SH3TC2: variants seen among roughly 807,000 people sequenced by gnomAD.
SH3TC2 encodes SH3 domain and tetratricopeptide repeats 2.
Under a neutral mutation model 124.5 loss-of-function variants are expected in SH3TC2, and 87 were observed. The ratio of observed to expected loss-of-function variants is 0.70; its 90% confidence interval spans 0.59 to 0.84. SH3TC2 has a LOEUF of 0.84. Among genes scored for constraint, SH3TC2 ranks in the 40% least tolerant of loss-of-function variants. SH3TC2 has a pLI of 0.00. For missense variants in SH3TC2, 1,536 were observed against 1,566.4 expected, an observed-to-expected ratio of 0.98 and a Z score of 0.33; for synonymous variants, 634 against 628.5, an observed-to-expected ratio of 1.01 and a Z score of -0.13.
At position 148,996,473 on chromosome 5, in the gene SH3TC2, T is replaced by C. The variant is rs555325051; in HGVS notation, c.*8238A>G. Reference sequence around the variant, plus strand: ...CACCCACTACAGCCCCAAAGCTACATGTTCTAGAACAGACAAAAGTTAGTT... The same window carrying C: ...CACCCACTACAGCCCCAAAGCTACACGTTCTAGAACAGACAAAAGTTAGTT... On this transcript the variant is annotated 3_prime_UTR_variant, in exon 17 of 17. Coordinates refer to ENST00000515425, the MANE Select transcript of SH3TC2 (RefSeq NM_024577.4). 6.6e-6 allele frequency among the ~76,000 whole-genome samples: 1 copy of C among 152,350 alleles called. No homozygotes were observed. Among genetic ancestry groups the C allele is most frequent in the African/African-American group, 2.4e-5 (1 of 41,592 alleles).
At chr5:149,032,144 C>G (rs1754205701) in intron 8 of SH3TC2, among the ~76,000 whole-genome samples, 3 of 152,152 alleles carry the variant, frequency 2.0e-5, no homozygotes, top group Non-Finnish European at 4.4e-5. Context: ...GTGACACAAT[C>G]TAGAAGAACA....
In SH3TC2 at chr5:148,986,716, A is replaced by C. The variant is rs1003352111; in HGVS notation, c.*17995T>G. Among the ~76,000 whole-genome samples, 10 of 152,222 alleles carry C rather than the reference A, an allele frequency of 6.6e-5. No homozygotes were observed. The highest frequency in any genetic ancestry group is 2.2e-4 in the African/African-American group (9 of 41,452). On this transcript the variant is annotated 3_prime_UTR_variant, in exon 17 of 17. Coordinates refer to ENST00000515425, the MANE Select transcript of SH3TC2 (RefSeq NM_024577.4). ...TGTTAGGGTGACTTGTAGGCATCAT[A>C]ATAAGCCAAATCAGAGCATAAGAAT...
intron 13 of SH3TC2, among the ~76,000 whole-genome samples, chr5:149,011,424 C>G (rs982311278): frequency 2.6e-5 from 4 of 152,188 alleles, no homozygotes; most frequent in Admixed American, 2.6e-4. Flanking sequence ...TGTCTGCTCT[C>G]TGGAAACCCT....
At chr5:149,047,305 T>C (rs1754480452) in intron 3 of SH3TC2, 1 of 155,794 alleles carries the variant, frequency 6.4e-6, no homozygotes, top group African/African-American at 2.4e-5. Flanking sequence ...ACTTTAAAAA[T>C]ATATACTTAG....
chr5:149,059,214 G>A (rs1351318760), intron 1 of SH3TC2, among the ~76,000 whole-genome samples: 1 of 152,092 alleles, frequency 6.6e-6, no homozygotes, highest in East Asian at 1.9e-4. Flanking sequence ...TGATTTTACT[G>A]AGATCACACA....
intron 2 of SH3TC2, among the ~76,000 whole-genome samples, chr5:149,048,216 T>C (rs1046689087): frequency 5.3e-5 from 8 of 151,934 alleles, no homozygotes; most frequent in South Asian, 2.1e-4. Flanking sequence ...ATCGCAGGAG[T>C]TGATGCACTC....
intron 8 of SH3TC2, among the ~76,000 whole-genome samples, chr5:149,037,714 G>C (rs768227449): frequency 6.6e-6 from 1 of 152,186 alleles, no homozygotes; most frequent in South Asian, 2.1e-4. Context: ...TCCATGACAG[G>C]GTGGGTGGAG....
At chr5:149,012,442 G>A (rs1410684903) in intron 13 of SH3TC2, 142 bp downstream of exon 13, 13 of 1,084,574 alleles carry the variant, frequency 1.2e-5, no homozygotes, top group Non-Finnish European at 2.7e-6. Context: ...TGTTCAGGGA[G>A]CAGCCCAGTG....
intron 12 of SH3TC2, among the ~76,000 whole-genome samples, chr5:149,017,562 G>T (rs1472378679): frequency 6.6e-6 from 1 of 152,030 alleles, no homozygotes; most frequent in African/African-American, 2.4e-5. Flanking sequence ...AAACCCTAGA[G>T]AAAATCTTTC....
intron 1 of SH3TC2, among the ~76,000 whole-genome samples, chr5:149,060,115 T>C (rs898420950): frequency 1.3e-5 from 2 of 152,240 alleles, no homozygotes; most frequent in Non-Finnish European, 2.9e-5. Flanking sequence ...CAAGCACCAG[T>C]GATCAACAGA....
In SH3TC2 at chr5:148,998,584, C is replaced by T. The variant is rs1753547275; in HGVS notation, c.*6127G>A. 6.6e-6 allele frequency among the ~76,000 whole-genome samples: 1 copy of T among 152,188 alleles called. No homozygotes were observed. The highest frequency in any genetic ancestry group is 2.4e-5 in the African/African-American group (1 of 41,442). The stretch of plus-strand genomic sequence containing the variant: ...CTTTGAAATCGTTTTGAAAGCACAG[C>T]ATCCTTCCCTCTCACCTGCCTCGCA... On this transcript the variant is annotated 3_prime_UTR_variant, in exon 17 of 17. Transcript: ENST00000515425.
At chr5:149,035,651 C>T (rs1754271433) in intron 8 of SH3TC2, 1 of 152,292 alleles carries the variant, frequency 6.6e-6, no homozygotes, top group Admixed American at 6.5e-5. Context: ...CTTGTGCCAC[C>T]CCTCCCTGTT....
intron 16 of SH3TC2, 90 bp from the exon 17 acceptor site, chr5:149,004,992 T>TTTG: frequency 2.1e-6 from 3 of 1,407,278 alleles, no homozygotes; most frequent in Non-Finnish European, 2.0e-6. Flanking sequence ...CTCTAGTTTT[T>TTTG]TTTGTTTGTT....
chr5:149,009,923 C>A (rs918446352), intron 14 of SH3TC2, among the ~76,000 whole-genome samples: 6 of 152,110 alleles, frequency 3.9e-5, no homozygotes, highest in Admixed American at 3.3e-4. Context: ...CCACCACACC[C>A]CCAGTAGTAA....
In SH3TC2 at chr5:148,982,879, G is replaced by A. The variant is rs1210737340; in HGVS notation, c.*21832C>T. ...ATACTTTTAAAATAAAAAATGAGCT[G>A]TTTTAACACCAGTGGACCTTGTGAA... On this transcript the variant is annotated 3_prime_UTR_variant, in exon 17 of 17. Transcript: ENST00000515425. Among the ~76,000 whole-genome samples the A allele has an allele frequency of 6.6e-6, 1 of 152,214 alleles. No individual in the cohort carries two copies. The highest frequency in any genetic ancestry group is 1.9e-4 in the East Asian group (1 of 5,194).
chr5:148,985,535 G>T lies in SH3TC2; in HGVS notation c.*19176C>A, dbSNP rs1272576260. On this transcript the variant is annotated 3_prime_UTR_variant, in exon 17 of 17. Coordinates refer to ENST00000515425, the MANE Select transcript of SH3TC2 (RefSeq NM_024577.4). The stretch of plus-strand genomic sequence containing the variant: ...GTAACTCCAAGTTGTTGCATGTATT[G>T]GGTGCTCATTTCTTTTTATTACTGA... Among the ~76,000 whole-genome samples the T allele has an allele frequency of 6.6e-6, 1 of 152,068 alleles. No homozygotes were observed. The highest frequency in any genetic ancestry group is 1.9e-4 in the East Asian group (1 of 5,192).
chr5:149,056,665 C>T (rs771720723), intron 1 of SH3TC2, among the ~76,000 whole-genome samples: 3 of 152,022 alleles, frequency 2.0e-5, no homozygotes, highest in South Asian at 4.2e-4. Context: ...CCAGAGGCCT[C>T]GGATCCCATG....
At chr5:149,049,627 C>T (rs1423950856) in intron 2 of SH3TC2, among the ~76,000 whole-genome samples, 1 of 151,850 alleles carries the variant, frequency 6.6e-6, no homozygotes, top group Non-Finnish European at 1.5e-5. Context: ...AAAAATTAGC[C>T]AGACATGGTG....
In SH3TC2 at chr5:148,995,247, C is replaced by A. The variant is rs1753490079; in HGVS notation, c.*9464G>T. ...CATAATTATATAAAGCACTGATTTT[C>A]CAGGTCAGACAAAAGTGATTTTGAA... is the stretch of plus-strand genomic sequence containing the variant. On this transcript the variant is annotated 3_prime_UTR_variant, in exon 17 of 17. Transcript: ENST00000515425. Among the ~76,000 whole-genome samples the A allele has an allele frequency of 6.6e-6, 1 of 152,178 alleles. No individual in the cohort carries two copies. Among genetic ancestry groups the A allele is most frequent in the Non-Finnish European group, 1.5e-5 (1 of 68,032 alleles).
Sources: gnomAD v4.1 joint callset for allele counts (sites outside exome capture counted in the v4.1 genomes callset) on GRCh38, gnomAD v4.1.1 for gene constraint, MANE v1.5 for transcripts, NCBI Gene and HGNC (gene_info 2026-07-23, HGNC 2026-07-21) for gene names.